The following COL27A1 variants were observed in gnomAD, a reference collection of about 807,000 sequenced individuals.
COL27A1 encodes the protein collagen alpha-1(XXVII) chain.
COL27A1 carries 106 observed loss-of-function variants against 251.3 expected under a neutral mutation model. The observed-to-expected ratio is 0.42, with a 90% CI of 0.36 to 0.50. COL27A1 has a LOEUF of 0.50. Among genes scored for constraint, COL27A1 ranks in the 20% least tolerant of loss-of-function variants. The pLI is 0.00. For synonymous variants in COL27A1, 1,000 were observed against 986.3 expected, an observed-to-expected ratio of 1.01 and a Z score of -0.26; for missense variants, 2,325 against 2,522.8, an observed-to-expected ratio of 0.92 and a Z score of 1.68.
In COL27A1 at chr9:114,169,238, G is replaced by A; in HGVS notation, c.1683G>A (p.Lys561=). The A allele has an allele frequency of 6.2e-7, 1 of 1,613,856 alleles. No homozygotes were observed. Among genetic ancestry groups the A allele is most frequent in the Non-Finnish European group, 8.5e-7 (1 of 1,179,904 alleles). The change falls in exon 3 of 61, where the codon AAG becomes AAA. Residue 561 remains lysine (K), a synonymous_variant. Coordinates refer to ENST00000356083, the MANE Select transcript of COL27A1 (RefSeq NM_032888.4). ...AGCCTGTCCCCCTCAGACCTGGGAAGGCAGCCAGGGATGTCCCCTTGAGCG... is the reference window on the plus strand; with the variant it reads ...AGCCTGTCCCCCTCAGACCTGGGAAAGCAGCCAGGGATGTCCCCTTGAGCG... ...PRKPVPLRPG[K]AARDVPLSDL...
chr9:114,244,703 A>G (rs1028245085), intron 23 of COL27A1, among the ~76,000 whole-genome samples: 1 of 152,224 alleles, frequency 6.6e-6, no homozygotes, highest in South Asian at 2.1e-4. Flanking sequence ...CCAGGCTTGC[A>G]GTAAGCCACA....
rs1184433783 is a variant in COL27A1 at position 114,235,468 on chromosome 9, A to G, written c.2566-131A>G. 6.5e-6 allele frequency: 5 copies of G among 774,044 alleles called. No homozygotes were observed. The African/African-American group carries it at 6.8e-5, about 11-fold the overall frequency. The allele number at this position is 774,044 out of a possible 1,614,324, so 47.9% of individuals were successfully genotyped here. On this transcript the variant is annotated intron_variant, in intron 16 of 60. Transcript: ENST00000356083. ...CAGGGGCCCGTCCTTTCCTCTCACAAGGCTGCTGCTGGCCGGATCCGACTT... is the reference window on the plus strand; with the variant it reads ...CAGGGGCCCGTCCTTTCCTCTCACAGGGCTGCTGCTGGCCGGATCCGACTT...
intron 7 of COL27A1, 71 bp from the exon 8 acceptor site, chr9:114,205,031 G>C: frequency 6.8e-7 from 1 of 1,478,988 alleles, no homozygotes; most frequent in African/African-American, 1.4e-5. Context: ...AGGCCGGGAG[G>C]CTGGGCCCTT....
Position 114,250,526 on chromosome 9 carries a change from C to G in COL27A1, c.2980-89C>G, listed in dbSNP as rs971484339. 3 of 1,247,440 alleles carry G rather than the reference C, an allele frequency of 2.4e-6. No individual in the cohort carries two copies. The Admixed American group carries it at 5.2e-5, about 22-fold the overall frequency. 77.3% of individuals were successfully genotyped at this position (1,247,440 alleles called of 1,614,324 possible). ...GGTGACCAGGCACGGGTGGGAGACA[C>G]CTGGGAGATGAGCTTCAGGGGAAGG... On this transcript the variant is annotated intron_variant, in intron 24 of 60. Coordinates refer to ENST00000356083, the MANE Select transcript of COL27A1 (RefSeq NM_032888.4).
At chr9:114,224,793 C>G (rs1207163491) in intron 14 of COL27A1, among the ~76,000 whole-genome samples, 1 of 151,672 alleles carries the variant, frequency 6.6e-6, no homozygotes, top group Middle Eastern at 3.2e-3. Context: ...GCTGGGACAA[C>G]AGGTGTGTAC....
intron 7 of COL27A1, among the ~76,000 whole-genome samples, chr9:114,204,797 G>A (rs1372543158): frequency 6.6e-6 from 1 of 152,108 alleles, no homozygotes; most frequent in Admixed American, 6.5e-5. Flanking sequence ...GAATGGTTGC[G>A]ATACACCATC....
At position 114,311,314 on chromosome 9, in the gene COL27A1, G is replaced by A. The variant is rs1430595534; in HGVS notation, c.*619G>A. 6.7e-6 allele frequency: 1 copy of A among 149,090 alleles called. No individual in the cohort carries two copies. The highest frequency in any genetic ancestry group is 1.5e-5 in the Non-Finnish European group (1 of 67,620). 9.2% of individuals were successfully genotyped at this position (149,090 alleles called of 1,614,324 possible). ...TGTGAAATCGCTGGTGCTCACAATTGTCTCTCACAGTGTATGTGATTTTTT... is the reference window on the plus strand; with the variant it reads ...TGTGAAATCGCTGGTGCTCACAATTATCTCTCACAGTGTATGTGATTTTTT... On this transcript the variant is annotated 3_prime_UTR_variant, in exon 61 of 61. Coordinates refer to ENST00000356083, the MANE Select transcript of COL27A1 (RefSeq NM_032888.4).
chr9:114,184,202 C>T (rs144206475), intron 5 of COL27A1, among the ~76,000 whole-genome samples: 2 of 152,354 alleles, frequency 1.3e-5, no homozygotes, highest in East Asian at 1.9e-4. Flanking sequence ...AGAGCACCCC[C>T]GTGCTTTGGT....
At chr9:114,217,793 G>A (rs1830801351) in intron 12 of COL27A1, 1 of 470,810 alleles carries the variant, frequency 2.1e-6, no homozygotes, top group Non-Finnish European at 4.4e-6. Context: ...AAAGTTCAGA[G>A]GCCAGAGGTG....
intron 41 of COL27A1, among the ~76,000 whole-genome samples, chr9:114,286,192 C>T (rs745998604): frequency 5.3e-5 from 8 of 151,856 alleles, no homozygotes; most frequent in Admixed American, 3.9e-4. Flanking sequence ...ACAGCCACCC[C>T]GCAAGCTGGA....
At chr9:114,269,130 C>T (rs1452053701) in intron 34 of COL27A1, 111 bp from the exon 35 acceptor site, 3 of 604,028 alleles carry the variant, frequency 5.0e-6, no homozygotes, top group Non-Finnish European at 8.4e-6. Context: ...AGGACCTTCC[C>T]CAGCTCCTCC....
In COL27A1 at chr9:114,282,483, G is replaced by A; in HGVS notation, c.3798G>A (p.Leu1266=). 6.3e-7 allele frequency: 1 copy of A among 1,596,180 alleles called. No individual in the cohort carries two copies. Among genetic ancestry groups the A allele is most frequent in the Non-Finnish European group, 8.5e-7 (1 of 1,171,878 alleles). Residue 1266 remains leucine, a synonymous_variant, in exon 39 of 61, where the codon CTG becomes CTA. Transcript: ENST00000356083. ...GTGCCAAGGGCTATCAAGGACAGCT[G>A]GGTGAGATGGGCGTCCCTGGAGACC... The part of the protein sequence containing the change: ...AKGAKGYQGQ[L]GEMGVPGDPG...
Position 114,155,728 on chromosome 9 carries a change from C to G in COL27A1, c.-223C>G, listed in dbSNP as rs1382735577. The G allele has an allele frequency of 6.6e-6, 1 of 152,432 alleles. No individual in the cohort carries two copies. The highest frequency in any genetic ancestry group is 2.4e-5 in the African/African-American group (1 of 41,306). 9.4% of individuals were successfully genotyped at this position (152,432 alleles called of 1,614,324 possible). ...AGAAAAGGACCGAGGCAGGGGCGAG[C>G]GCGGCGCCCGGACTCCTGGGACCAT... is the stretch of plus-strand genomic sequence containing the variant. On this transcript the variant is annotated 5_prime_UTR_variant, in exon 1 of 61. Coordinates refer to ENST00000356083, the MANE Select transcript of COL27A1 (RefSeq NM_032888.4). This position sits in a 1 kb window ranked among gnomAD's most constrained non-coding sequence, Gnocchi z 5.5.
chr9:114,310,488 C>T (rs140958048), intron 60 of COL27A1, 61 bp from the exon 61 acceptor site: 18 of 1,584,886 alleles, frequency 1.1e-5, no homozygotes, highest in East Asian at 2.2e-5. Flanking sequence ...AGGGAAAATG[C>T]TCATGATGTA....
chr9:114,250,543 A>C, intron 24 of COL27A1, 72 bp from the exon 25 acceptor site: 1 of 1,411,222 alleles, frequency 7.1e-7, no homozygotes. Flanking sequence ...GATGAGCTTC[A>C]GGGGAAGGAG....
Position 114,252,772 on chromosome 9 carries a change from C to T in COL27A1, c.3088-107C>T, listed in dbSNP as rs895804656. On this transcript the variant is annotated intron_variant, in intron 26 of 60. Coordinates refer to ENST00000356083, the MANE Select transcript of COL27A1 (RefSeq NM_032888.4). ...CCAGCTCCCTCTTTGTCCAGGGGGC[C>T]TAGCTGCTGTCCTCCTGGCTTTGCA... 6.7e-5 allele frequency: 95 copies of T among 1,411,012 alleles called. 1 individual carries two copies. The Admixed American group carries it at 1.6e-3, about 23-fold the overall frequency. 87.4% of individuals were successfully genotyped at this position (1,411,012 alleles called of 1,614,324 possible).
At position 114,198,439 on chromosome 9, in the gene COL27A1, A is replaced by G. The variant is rs146182474; in HGVS notation, c.2124+2427A>G. 5.4e-3 allele frequency among the ~76,000 whole-genome samples: 829 copies of G among 152,326 alleles called. 6 individuals are homozygous for G. The highest frequency in any genetic ancestry group is 0.019 in the African/African-American group (788 of 41,580). On this transcript the variant is annotated intron_variant, in intron 7 of 60. Transcript: ENST00000356083. ...CAGTGGCTCCCAGCTGGGGAGCTCA[A>G]GCCCCATCGTGGTGATTCTGGCTCA...
At position 114,267,509 on chromosome 9, in the gene COL27A1, G is replaced by T. The variant is rs377713952; in HGVS notation, c.3453G>T (p.Pro1151=). ...CCAATGGCGTTTTCTTTCAGGGGCC[G>T]CCTGGTGCAGTGGGAGAACCGGGCC... ...GPPGEMGPKG[P]PGAVGEPGLP... Residue 1151 remains proline (P), a synonymous_variant, in exon 34 of 61, where the codon CCG becomes CCT. Transcript: ENST00000356083. 2.5e-6 allele frequency: 4 copies of T among 1,598,938 alleles called. No homozygotes were observed. Among genetic ancestry groups the T allele is most frequent in the Middle Eastern group, 1.7e-4 (1 of 5,998 alleles).
rs1264191367 is a variant in COL27A1 at position 114,169,042 on chromosome 9, G to A, written c.1487G>A (p.Gly496Asp). The A allele has an allele frequency of 6.2e-7, 1 of 1,613,884 alleles. No individual in the cohort carries two copies. The highest frequency in any genetic ancestry group is 8.5e-7 in the Non-Finnish European group (1 of 1,179,942). The part of the protein sequence containing the change: ...ALSSSPAPTP[G>D]STRSTRPPAT... Reference sequence around the variant, plus strand: ...TCCTCATCTCCTGCCCCTACTCCTGGTTCTACCAGGAGTACTCGGCCACCA... The same window carrying A: ...TCCTCATCTCCTGCCCCTACTCCTGATTCTACCAGGAGTACTCGGCCACCA... Residue 496 changes from glycine (G) to aspartate (D), a missense_variant, in exon 3 of 61, where the codon GGT becomes GAT. Gly to Asp is a moderately conservative substitution (Grantham distance 94). Around this residue, in one of 4 missense-constraint regions of COL27A1, gnomAD observed 1,183 missense variants for 1,144.1 expected, o/e 1.03. Coordinates refer to ENST00000356083, the MANE Select transcript of COL27A1 (RefSeq NM_032888.4).
Sources: gnomAD v4.1 joint callset for allele counts (sites outside exome capture counted in the v4.1 genomes callset) on GRCh38, gnomAD v4.1.1 for gene constraint, gnomAD v4.1.1 regional missense constraint, Gnocchi (gnomAD v3.1) non-coding constraint, MANE v1.5 for transcripts, NCBI Gene and HGNC (gene_info 2026-07-23, HGNC 2026-07-21) for gene names.